Variants in HIVEP1 observed in about 807,000 individuals in gnomAD.
The protein encoded by HIVEP1 is zinc finger protein 40.
HIVEP1 carries 36 observed loss-of-function variants against 180.0 expected under a neutral mutation model. The ratio of observed to expected loss-of-function variants is 0.20; its 90% CI spans 0.15 to 0.26. HIVEP1 has a LOEUF of 0.26. Among genes scored for constraint, HIVEP1 ranks in the 10% least tolerant of loss-of-function variants. The pLI is 1.00. For missense variants in HIVEP1, 3,143 were observed against 3,268.7 expected (o/e 0.96, Z 0.94); for synonymous variants, 1,239 against 1,239.0 (o/e 1.00, Z 0.00).
intron 3 of HIVEP1, among the ~76,000 whole-genome samples, chr6:12,094,709 T>C (rs1488995917): frequency 6.6e-6 from 1 of 152,030 alleles, no homozygotes; most frequent in Non-Finnish European, 1.5e-5. Context: ...TGAAGAATTT[T>C]GAATCCATGT....
intron 3 of HIVEP1, among the ~76,000 whole-genome samples, chr6:12,090,000 C>T (rs1295233449): frequency 6.6e-6 from 1 of 151,848 alleles, no homozygotes; most frequent in Non-Finnish European, 1.5e-5. Context: ...TATTATTTCA[C>T]CAGCTGCAAT....
At chr6:12,079,898 A>G (rs1772652005) in intron 2 of HIVEP1, among the ~76,000 whole-genome samples, 2 of 152,122 alleles carry the variant, frequency 1.3e-5, no homozygotes, top group Admixed American at 1.3e-4. Flanking sequence ...TTATTTTCAC[A>G]TAATTAAGCA....
At chr6:12,187,736 G>T in the HIVEP1 span, among the ~76,000 whole-genome samples, 1 of 151,932 alleles carries the variant, frequency 6.6e-6, no homozygotes, top group African/African-American at 2.4e-5. Flanking sequence ...GGGATTACAG[G>T]TGTGCACCAC....
chr6:12,043,315 A>G (rs1291123123), intron 2 of HIVEP1, among the ~76,000 whole-genome samples: 4 of 150,406 alleles, frequency 2.7e-5, no homozygotes, highest in Non-Finnish European at 5.9e-5. Context: ...ATGAGTGCTC[A>G]TGTAATGGCA....
intron 2 of HIVEP1, 109 bp downstream of exon 2, chr6:12,015,777 G>A (rs1314731970): frequency 3.5e-6 from 3 of 850,664 alleles, no homozygotes; most frequent in East Asian, 2.5e-5. Flanking sequence ...GCCTGGTGAG[G>A]AGCGCTATTT....
At chr6:12,033,274 A>G (rs1041568995) in intron 2 of HIVEP1, among the ~76,000 whole-genome samples, 4 of 152,096 alleles carry the variant, frequency 2.6e-5, no homozygotes, top group African/African-American at 9.7e-5. Context: ...GATATTTTCA[A>G]TTTATGATGG....
the HIVEP1 span, among the ~76,000 whole-genome samples, chr6:12,190,092 A>G: frequency 2.0e-5 from 3 of 152,222 alleles, no homozygotes; most frequent in African/African-American, 7.2e-5. Flanking sequence ...GTATGCACAC[A>G]TCTCTACTCT....
At chr6:12,119,285 C>G (rs1775417733) in intron 3 of HIVEP1, among the ~76,000 whole-genome samples, 1 of 152,214 alleles carries the variant, frequency 6.6e-6, no homozygotes, top group East Asian at 1.9e-4. Flanking sequence ...ACAGTTGTCT[C>G]TTCGTGCTTC....
At chr6:12,104,496 A>G (rs1181244340) in intron 3 of HIVEP1, among the ~76,000 whole-genome samples, 7 of 133,360 alleles carry the variant, frequency 5.2e-5, no homozygotes, top group Admixed American at 8.9e-5. Context: ...TAAGCTCACT[A>G]TAGCCTCAAC....
chr6:12,056,955 G>A (rs527495458), intron 2 of HIVEP1, among the ~76,000 whole-genome samples: 28 of 151,742 alleles, frequency 1.8e-4, no homozygotes, highest in African/African-American at 6.3e-4. Flanking sequence ...TCCCATCTTA[G>A]CCTCCCAAGT....
chr6:12,012,101 G>A (rs1197502807), upstream of HIVEP1: 1 of 146,234 alleles, frequency 6.8e-6, no homozygotes, highest in Non-Finnish European at 1.5e-5. Context: ...GCGGCCCCAG[G>A]GTCTGTCCGC....
intron 2 of HIVEP1, among the ~76,000 whole-genome samples, chr6:12,055,261 T>C (rs1176220963): frequency 6.6e-6 from 1 of 152,116 alleles, no homozygotes; most frequent in African/African-American, 2.4e-5. Context: ...AATCACGAGG[T>C]CAGGAGATCG....
intron 2 of HIVEP1, among the ~76,000 whole-genome samples, chr6:12,019,189 C>T (rs1178479114): frequency 6.6e-6 from 1 of 152,142 alleles, no homozygotes; most frequent in African/African-American, 2.4e-5. Context: ...GCCAGTGTAG[C>T]TCACTCAGCA....
chr6:12,123,190 G>A lies in HIVEP1; in HGVS notation c.3395G>A (p.Gly1132Glu). 1 of 1,614,152 alleles carries A rather than the reference G, an allele frequency of 6.2e-7. No homozygotes were observed. Among genetic ancestry groups the A allele is most frequent in the Non-Finnish European group, 8.5e-7 (1 of 1,180,014 alleles). Reference protein sequence around the residue: ...DKIELQRHGTGISVIQHTNSL... With the variant: ...DKIELQRHGTEISVIQHTNSL... ...ATAGAACTGCAGAGACACGGAACTG[G>A]AATCTCTGTCATCCAGCACACCAAC... Residue 1132 changes from glycine (G) to glutamate (E), a missense_variant, in exon 4 of 9, where the codon GGA becomes GAA. Coordinates refer to ENST00000379388, the MANE Select transcript of HIVEP1 (RefSeq NM_002114.4).
intron 3 of HIVEP1, among the ~76,000 whole-genome samples, chr6:12,109,364 A>G (rs1774734999): frequency 6.6e-6 from 1 of 152,192 alleles, no homozygotes; most frequent in Non-Finnish European, 1.5e-5. Flanking sequence ...GTAGCATAGG[A>G]TGGTGTTTGA....
chr6:12,184,022 T>TAGACAGACAGACAGAC, the HIVEP1 span, among the ~76,000 whole-genome samples: 90 of 101,978 alleles, frequency 8.8e-4, no homozygotes, highest in Admixed American at 2.5e-3. Context: ...GATAGATAGA[T>TAGACAGACAGACAGAC]AGACAGACAG....
At chr6:12,167,380 A>G (rs950906748), downstream of HIVEP1, among the ~76,000 whole-genome samples, 1 of 151,720 alleles carries the variant, frequency 6.6e-6, no homozygotes, top group Non-Finnish European at 1.5e-5. Context: ...TAATACCAGA[A>G]AGATGATTTT....
At chr6:12,065,642 G>C (rs569193828) in intron 2 of HIVEP1, among the ~76,000 whole-genome samples, 5 of 151,882 alleles carry the variant, frequency 3.3e-5, no homozygotes, top group African/African-American at 1.2e-4. Context: ...AAATGGAGGT[G>C]AAGGGTGGTC....
rs371286624 is a variant in HIVEP1 at position 12,046,477 on chromosome 6, G to A, written c.40+30809G>A. Among the ~76,000 whole-genome samples, 3 of 152,266 alleles carry A rather than the reference G, an allele frequency of 2.0e-5. No individual in the cohort carries two copies. The East Asian group carries it at 5.8e-4, about 29-fold the overall frequency. ...GAAAGTGAATGTCAGAGCAGACACT[G>A]GAGTTAGAATCCTGGGTTGCTGGCC... On this transcript the variant is annotated intron_variant, in intron 2 of 8. Transcript: ENST00000379388.
Sources: allele counts gnomAD v4.1 joint callset (sites outside exome capture counted in the v4.1 genomes callset), GRCh38; gene constraint gnomAD v4.1.1; transcripts MANE v1.5; gene names NCBI Gene and HGNC (gene_info 2026-07-23, HGNC 2026-07-21).